NETO1: variants seen among roughly 807,000 people sequenced by gnomAD.
The protein encoded by NETO1 is neuropilin and tolloid like 1.
A neutral mutation model predicts 61.3 loss-of-function variants in NETO1; 26 were observed. The ratio of observed to expected loss-of-function variants is 0.42; its 90% CI spans 0.31 to 0.59. The LOEUF (loss-of-function observed/expected upper bound fraction) is 0.59, where lower values mean the gene tolerates loss of function less well. NETO1 is among the 20% of genes least tolerant of loss of function. The pLI is 0.12. For missense variants in NETO1, 531 were observed against 662.8 expected (o/e 0.80, Z 2.18); for synonymous variants, 225 against 225.8 (o/e 1.00, Z 0.03).
chr18:72,861,830 A>G (rs2074581475), intron 3 of NETO1, among the ~76,000 whole-genome samples: 1 of 152,216 alleles, frequency 6.6e-6, no homozygotes, highest in South Asian at 2.1e-4. Flanking sequence ...CCTTTAAAAG[A>G]GAAAAAACCA....
intron 6 of NETO1, among the ~76,000 whole-genome samples, chr18:72,789,648 G>A (rs181081313): frequency 6.6e-6 from 1 of 152,248 alleles, no homozygotes. Flanking sequence ...GAAGTACTGG[G>A]TTCTTTGGTG....
chr18:72,807,256 A>C (rs559190789), intron 4 of NETO1, among the ~76,000 whole-genome samples: 1 of 152,224 alleles, frequency 6.6e-6, no homozygotes, highest in East Asian at 1.9e-4. Context: ...ATGTGGGCAC[A>C]GAGTATATAT....
chr18:72,750,663 G>A (rs1279610016), intron 8 of NETO1, 43 bp from the exon 9 acceptor site: 1 of 1,413,656 alleles, frequency 7.1e-7, no homozygotes, highest in Admixed American at 2.0e-5. Context: ...GACAAAAGAA[G>A]AAGCAACGCA....
intron 4 of NETO1, among the ~76,000 whole-genome samples, chr18:72,798,920 C>T (rs2072410878): frequency 1.3e-5 from 2 of 152,178 alleles, no homozygotes; most frequent in African/African-American, 4.8e-5. Flanking sequence ...AGTCATGAAA[C>T]CAACAAAACT....
At chr18:72,863,703 C>T (rs1322944155) in intron 3 of NETO1, among the ~76,000 whole-genome samples, 1 of 151,956 alleles carries the variant, frequency 6.6e-6, no homozygotes, top group Non-Finnish European at 1.5e-5. Context: ...ATTGGGTGAA[C>T]AGAAAGCCTG....
At chr18:72,797,815 C>T (rs942768541) in intron 4 of NETO1, among the ~76,000 whole-genome samples, 15 of 152,226 alleles carry the variant, frequency 9.9e-5, no homozygotes, top group Middle Eastern at 3.4e-3. Flanking sequence ...TCTCATACAC[C>T]CCAGGCTGTT....
At chr18:72,786,858 A>T (rs914875631) in intron 6 of NETO1, among the ~76,000 whole-genome samples, 17 of 151,512 alleles carry the variant, frequency 1.1e-4, no homozygotes, top group African/African-American at 4.1e-4. Context: ...TTTATTAGAA[A>T]GCTGGAGGTT....
At chr18:72,781,810 G>T (rs1222345744) in intron 7 of NETO1, among the ~76,000 whole-genome samples, 1 of 152,130 alleles carries the variant, frequency 6.6e-6, no homozygotes, top group African/African-American at 2.4e-5. Flanking sequence ...ATGCATAGTT[G>T]TGAAATACAA....
chr18:72,779,693 T>C (rs780878658), intron 7 of NETO1, among the ~76,000 whole-genome samples: 1 of 152,222 alleles, frequency 6.6e-6, no homozygotes, highest in Non-Finnish European at 1.5e-5. Context: ...ATCTTAGGTA[T>C]AAATAATGGT....
At chr18:72,753,024 A>T (rs2070673704) in intron 8 of NETO1, among the ~76,000 whole-genome samples, 1 of 152,088 alleles carries the variant, frequency 6.6e-6, no homozygotes, top group African/African-American at 2.4e-5. Context: ...AAATGTGGCA[A>T]ATCAACAAGC....
At chr18:72,814,312 A>G (rs1479636461) in intron 4 of NETO1, among the ~76,000 whole-genome samples, 1 of 152,182 alleles carries the variant, frequency 6.6e-6, no homozygotes, top group African/African-American at 2.4e-5. Context: ...TTTCAAGGGA[A>G]TAATGACAGC....
chr18:72,807,545 A>C (rs571482652), intron 4 of NETO1, among the ~76,000 whole-genome samples: 2 of 152,316 alleles, frequency 1.3e-5, no homozygotes, highest in African/African-American at 4.8e-5. Flanking sequence ...GTTCACATTA[A>C]GTAGGCTTTT....
At chr18:72,763,039 G>T (rs1470927214) in intron 7 of NETO1, among the ~76,000 whole-genome samples, 1 of 151,916 alleles carries the variant, frequency 6.6e-6, no homozygotes, top group Non-Finnish European at 1.5e-5. Context: ...ATCTCATGTG[G>T]ATTAACACTG....
chr18:72,774,432 T>C (rs1190024633), intron 7 of NETO1, among the ~76,000 whole-genome samples: 5 of 152,176 alleles, frequency 3.3e-5, no homozygotes, highest in Non-Finnish European at 5.9e-5. Flanking sequence ...AAAATTAAAA[T>C]TATTCTAAAT....
intron 7 of NETO1, among the ~76,000 whole-genome samples, chr18:72,762,221 C>T (rs949528454): frequency 3.0e-4 from 46 of 150,974 alleles, no homozygotes; most frequent in African/African-American, 1.0e-3. Flanking sequence ...AGTGCAATGG[C>T]GCGATCTCCA....
chr18:72,836,004 G>A (rs2073735849), intron 4 of NETO1, among the ~76,000 whole-genome samples: 1 of 152,162 alleles, frequency 6.6e-6, no homozygotes, highest in African/African-American at 2.4e-5. Context: ...CCTTGACGTA[G>A]GAAGAGGGAA....
At chr18:72,750,907 ACACAC>A (rs1210607209) in intron 8 of NETO1, among the ~76,000 whole-genome samples, 1 of 147,976 alleles carries the variant, frequency 6.8e-6, no homozygotes, top group Non-Finnish European at 1.5e-5. Flanking sequence ...ACACACACAC[ACACAC>A]AATCCTCTAT....
intron 4 of NETO1, among the ~76,000 whole-genome samples, chr18:72,846,211 T>C (rs1437945355): frequency 6.6e-6 from 1 of 150,748 alleles, no homozygotes. Context: ...GAGTTGTCAA[T>C]AAAAGAGATG....
At chr18:72,834,009 C>T in intron 4 of NETO1, 1 of 604,478 alleles carries the variant, frequency 1.7e-6, no homozygotes, top group Non-Finnish European at 2.1e-6. Flanking sequence ...CATTTTAACA[C>T]CCAACCTACA....
Sources: allele counts gnomAD v4.1 joint callset (sites outside exome capture counted in the v4.1 genomes callset), GRCh38; gene constraint gnomAD v4.1.1; transcripts MANE v1.5; gene names NCBI Gene and HGNC (gene_info 2026-07-23, HGNC 2026-07-21).